The following TEKT5 variants were observed in gnomAD, a reference collection of about 807,000 sequenced individuals.
TEKT5 encodes the protein tektin 5.
A neutral mutation model predicts 48.7 loss-of-function variants in TEKT5; 52 were observed. The ratio of observed to expected loss-of-function variants is 1.07; its 90% CI spans 0.86 to 1.35. The LOEUF (loss-of-function observed/expected upper bound fraction) is 1.35. Among genes scored for constraint, TEKT5 ranks in the 40% most tolerant of loss-of-function variants. TEKT5 has a pLI of 0.00. For missense variants in TEKT5, 831 were observed against 641.6 expected (o/e 1.30, Z -3.19); for synonymous variants, 318 against 267.6 (o/e 1.19, Z -1.84).
intron 5 of TEKT5, among the ~76,000 whole-genome samples, chr16:10,665,356 C>T (rs968275188): frequency 1.3e-5 from 2 of 152,188 alleles, no homozygotes; most frequent in African/African-American, 4.8e-5. Flanking sequence ...GGCTTCCAGG[C>T]AAAGCATATG....
chr16:10,660,693 GTGT>G (rs1898353447), intron 5 of TEKT5, among the ~76,000 whole-genome samples: 1 of 115,082 alleles, frequency 8.7e-6, no homozygotes, highest in South Asian at 2.7e-4. Flanking sequence ...GTGTGTGTGT[GTGT>G]GTGTGTGTTA....
At chr16:10,656,199 T>C (rs1898258886) in intron 5 of TEKT5, among the ~76,000 whole-genome samples, 1 of 152,308 alleles carries the variant, frequency 6.6e-6, no homozygotes, top group Non-Finnish European at 1.5e-5. Flanking sequence ...CGTTGCCAAC[T>C]ACCCCCTAGA....
chr16:10,694,251 A>G, intron 1 of TEKT5, 59 bp downstream of exon 1: 1 of 1,486,392 alleles, frequency 6.7e-7, no homozygotes, highest in Non-Finnish European at 9.0e-7. Context: ...AGGGAAGCAG[A>G]ATGAGCGTGC....
chr16:10,684,484 G>A (rs1292691158), intron 3 of TEKT5, among the ~76,000 whole-genome samples: 1 of 151,766 alleles, frequency 6.6e-6, no homozygotes, highest in African/African-American at 2.4e-5. Flanking sequence ...CCTCACAGTG[G>A]TGGCGGTTCC....
intron 5 of TEKT5, among the ~76,000 whole-genome samples, chr16:10,656,384 T>G (rs934016176): frequency 2.0e-5 from 3 of 152,202 alleles, no homozygotes; most frequent in Admixed American, 2.0e-4. Flanking sequence ...CCTGAGTACC[T>G]GGGACTACAG....
intron 4 of TEKT5, among the ~76,000 whole-genome samples, chr16:10,678,545 T>C (rs540303325): frequency 7.2e-5 from 11 of 151,958 alleles, no homozygotes; most frequent in African/African-American, 2.7e-4. Context: ...GAGATAGGAG[T>C]GGCACTAAGT....
At chr16:10,657,093 T>C (rs1447611723) in intron 5 of TEKT5, among the ~76,000 whole-genome samples, 1 of 151,522 alleles carries the variant, frequency 6.6e-6, no homozygotes, top group African/African-American at 2.4e-5. Context: ...CAATTAGTTG[T>C]ATATAAAGCC....
At chr16:10,640,618 T>C (rs1897980204) in intron 5 of TEKT5, among the ~76,000 whole-genome samples, 1 of 152,104 alleles carries the variant, frequency 6.6e-6, no homozygotes, top group African/African-American at 2.4e-5. Context: ...TTACAATCCA[T>C]CTCTCCTGCC....
At chr16:10,692,069 G>A (rs1404518737) in intron 1 of TEKT5, among the ~76,000 whole-genome samples, 1 of 152,190 alleles carries the variant, frequency 6.6e-6, no homozygotes, top group Non-Finnish European at 1.5e-5. Context: ...ACATTGCGCA[G>A]GGAGAGGCTG....
intron 5 of TEKT5, among the ~76,000 whole-genome samples, chr16:10,640,726 T>TG (rs1567225509): frequency 5.9e-5 from 9 of 152,274 alleles, no homozygotes; most frequent in African/African-American, 2.2e-4. Context: ...TATATATATA[T>TG]TTGTTTTTGG....
chr16:10,685,560 G>C (rs147827033), intron 3 of TEKT5, among the ~76,000 whole-genome samples: 1 of 152,108 alleles, frequency 6.6e-6, no homozygotes, highest in African/African-American at 2.4e-5. Flanking sequence ...GCCTCCCAAA[G>C]TGCTGGGATT....
chr16:10,660,752 G>T (rs1162683850), intron 5 of TEKT5, among the ~76,000 whole-genome samples: 1 of 151,892 alleles, frequency 6.6e-6, no homozygotes, highest in Non-Finnish European at 1.5e-5. Context: ...CCAGGCTGGA[G>T]TGCAGTGGCA....
At chr16:10,665,436 T>G (rs1898441323) in intron 5 of TEKT5, among the ~76,000 whole-genome samples, 1 of 152,166 alleles carries the variant, frequency 6.6e-6, no homozygotes. Flanking sequence ...ATAGGTGGTG[T>G]TCACAAAATG....
intron 4 of TEKT5, 66 bp downstream of exon 4, chr16:10,681,927 G>C (rs1567235264): frequency 1.3e-6 from 2 of 1,570,996 alleles, no homozygotes; most frequent in Non-Finnish European, 1.7e-6. Context: ...CCATTCGTTG[G>C]CAGGAGCAGA....
intron 1 of TEKT5, chr16:10,690,543 G>A (rs1898952694): frequency 2.0e-6 from 2 of 981,546 alleles, no homozygotes; most frequent in Non-Finnish European, 2.4e-6. Flanking sequence ...CATTGTGCAG[G>A]TGAAGTCGGC....
intron 5 of TEKT5, among the ~76,000 whole-genome samples, chr16:10,655,581 G>C (rs527855980): frequency 6.6e-6 from 1 of 152,158 alleles, no homozygotes; most frequent in Non-Finnish European, 1.5e-5. Flanking sequence ...CACTATAAAA[G>C]ACTACATTTT....
chr16:10,644,672 A>G (rs530491121), intron 5 of TEKT5, among the ~76,000 whole-genome samples: 1 of 152,318 alleles, frequency 6.6e-6, no homozygotes, highest in East Asian at 1.9e-4. Context: ...AACATAAGCT[A>G]TCAGAAATCA....
At chr16:10,680,137 G>C (rs986090159) in intron 4 of TEKT5, among the ~76,000 whole-genome samples, 6 of 152,192 alleles carry the variant, frequency 3.9e-5, no homozygotes, top group African/African-American at 9.7e-5. Flanking sequence ...GTGCAGATGA[G>C]GGGGGCCCAG....
chr16:10,694,139 G>A (rs922328866), intron 1 of TEKT5, among the ~76,000 whole-genome samples, 171 bp downstream of exon 1: 1 of 152,204 alleles, frequency 6.6e-6, no homozygotes, highest in Non-Finnish European at 1.5e-5. Flanking sequence ...ACCCTGATTT[G>A]ACTGGGATTA....
Sources: allele counts gnomAD v4.1 joint callset (sites outside exome capture counted in the v4.1 genomes callset), GRCh38; gene constraint gnomAD v4.1.1; transcripts MANE v1.5; gene names NCBI Gene and HGNC (gene_info 2026-07-23, HGNC 2026-07-21).